ACBD7: variants seen among roughly 807,000 people sequenced by gnomAD.
The protein encoded by ACBD7 is acyl-CoA binding domain containing 7.
In ACBD7, 11 loss-of-function variants were observed where a neutral mutation model predicts 13.7. The observed-to-expected ratio is 0.80, with a 90% CI of 0.50 to 1.33. The LOEUF (loss-of-function observed/expected upper bound fraction) is 1.33, where lower values mean the gene tolerates loss of function less well. Among genes scored for constraint, ACBD7 ranks in the 40% most tolerant of loss-of-function variants. The probability of loss-of-function intolerance (pLI) is 0.00; values close to 1 mark genes in which losing one functional copy is unlikely to be tolerated. For synonymous variants in ACBD7, 43 were observed against 37.7 expected, an observed-to-expected ratio of 1.14 and a Z score of -0.51; for missense variants, 111 against 103.0, an observed-to-expected ratio of 1.08 and a Z score of -0.33.
At chr10:15,084,090 C>T (rs983503257) in intron 1 of ACBD7, among the ~76,000 whole-genome samples, 3 of 152,178 alleles carry the variant, frequency 2.0e-5, no homozygotes, top group Admixed American at 2.0e-4. Context: ...GAGATGGGAT[C>T]GGGTCTGCGA....
intron 1 of ACBD7, among the ~76,000 whole-genome samples, chr10:15,083,719 G>A (rs1429734830): frequency 6.6e-6 from 1 of 152,178 alleles, no homozygotes; most frequent in Non-Finnish European, 1.5e-5. Flanking sequence ...CTGAACTCAA[G>A]TGACCTGCCT....
chr10:15,082,454 C>T (rs59179978), intron 1 of ACBD7, among the ~76,000 whole-genome samples: 1,779 of 152,112 alleles, frequency 0.012, 34 homozygotes, highest in African/African-American at 0.041. Context: ...ACAGTAATTG[C>T]CTCTGATTAC....
chr10:15,086,703 A>G (rs954079481), intron 1 of ACBD7, among the ~76,000 whole-genome samples: 3 of 151,926 alleles, frequency 2.0e-5, no homozygotes, highest in Non-Finnish European at 4.4e-5. Flanking sequence ...CAGCAAAACC[A>G]AATGTCTACA....
At chr10:15,083,410 C>T (rs565241091) in intron 1 of ACBD7, among the ~76,000 whole-genome samples, 1 of 152,258 alleles carries the variant, frequency 6.6e-6, no homozygotes, top group Non-Finnish European at 1.5e-5. Flanking sequence ...ACAAACAAAG[C>T]TCCTCTAAGA....
At chr10:15,083,941 G>A (rs942259414) in intron 1 of ACBD7, among the ~76,000 whole-genome samples, 3 of 152,236 alleles carry the variant, frequency 2.0e-5, no homozygotes, top group African/African-American at 7.2e-5. Flanking sequence ...GCTTGAAGGC[G>A]CTCATAGCCT....
chr10:15,080,457 G>A (rs1325101098), intron 1 of ACBD7, among the ~76,000 whole-genome samples: 1 of 152,140 alleles, frequency 6.6e-6, no homozygotes, highest in African/African-American at 2.4e-5. Flanking sequence ...GTGCGTGCCT[G>A]TAATCCCAGC....
intron 1 of ACBD7, among the ~76,000 whole-genome samples, chr10:15,083,772 G>C (rs749355282): frequency 2.6e-5 from 4 of 152,274 alleles, no homozygotes; most frequent in Non-Finnish European, 5.9e-5. Flanking sequence ...CGTGAGCCAC[G>C]ATGCCCGGCC....
chr10:15,080,358 T>C lies in ACBD7; in HGVS notation c.13-1318A>G, dbSNP rs1844735873. On this transcript the variant is annotated intron_variant, in intron 1 of 3. Transcript: ENST00000356189. ...ACTTTGGGATGCTGAGGCAGGGGGA[T>C]CGCTTGAGGTCAGGAGTTCGAGACC... 1.3e-5 allele frequency among the ~76,000 whole-genome samples: 2 copies of C among 151,928 alleles called. 1 individual carries two copies. Among genetic ancestry groups the C allele is most frequent in the South Asian group, 4.2e-4 (2 of 4,806 alleles).
rs1175475175 is a variant in ACBD7, at chr10:15,084,495, CAATG to C, written c.12+4218_12+4221del. Among the ~76,000 whole-genome samples the C allele has an allele frequency of 2.6e-5, 4 of 152,134 alleles. No individual in the cohort carries two copies. The South Asian group carries it at 6.2e-4, about 24-fold the overall frequency. ...AAAATGCACAAACAAAGCAAGGAAA[CAATG>C]AAGCAACAAAAGCCGAGATTTACTG... is the stretch of plus-strand genomic sequence containing the variant. On this transcript the variant is annotated intron_variant, in intron 1 of 3. Transcript: ENST00000356189.
rs1454867673 is a variant in ACBD7, at chr10:15,088,733, G to A, written c.-5C>T. The A allele has an allele frequency of 6.3e-7, 1 of 1,597,890 alleles. No homozygotes were observed. The highest frequency in any genetic ancestry group is 8.5e-7 in the Non-Finnish European group (1 of 1,175,318). ...CCCGGGTACCTGCAGGGCCATGGTG[G>A]CGGCTGCCGCGTTGTTGCTGCTGCT... On this transcript the variant is annotated 5_prime_UTR_variant, in exon 1 of 4. Transcript: ENST00000356189.
In ACBD7 at chr10:15,078,471, G is replaced by C; in HGVS notation, c.*59C>G. The C allele has an allele frequency of 5.0e-6, 8 of 1,610,976 alleles. No homozygotes were observed. The highest frequency in any genetic ancestry group is 6.8e-6 in the Non-Finnish European group (8 of 1,179,040). ...TAACAGTATGCCTCTCCCTCTAAAT[G>C]TTAGGTCATGATAGCATTTGGAAGT... is the stretch of plus-strand genomic sequence containing the variant. On this transcript the variant is annotated 3_prime_UTR_variant, in exon 4 of 4. Transcript: ENST00000356189.
chr10:15,085,367 A>G (rs72774381), intron 1 of ACBD7, among the ~76,000 whole-genome samples: 7,362 of 152,256 alleles, frequency 0.048, 278 homozygotes, highest in East Asian at 0.062. Flanking sequence ...TACCTTTCAC[A>G]TTTCAGCCCC....
chr10:15,080,451 G>C (rs11259466), intron 1 of ACBD7, among the ~76,000 whole-genome samples: 7 of 151,876 alleles, frequency 4.6e-5, no homozygotes, highest in Non-Finnish European at 8.8e-5. Flanking sequence ...TTGGTGGTGC[G>C]TGCCTGTAAT....
intron 1 of ACBD7, among the ~76,000 whole-genome samples, chr10:15,084,174 G>A (rs1011182089): frequency 2.0e-5 from 3 of 152,196 alleles, no homozygotes; most frequent in African/African-American, 7.2e-5. Context: ...CAACATAAAG[G>A]CTATGTGGGG....
intron 1 of ACBD7, among the ~76,000 whole-genome samples, chr10:15,079,271 T>C (rs942002874): frequency 1.3e-5 from 2 of 148,164 alleles, no homozygotes; most frequent in Admixed American, 6.8e-5. Context: ...TTAACTTCTT[T>C]TTTTTTTTTT....
chr10:15,084,450 T>C (rs1589261531), intron 1 of ACBD7, among the ~76,000 whole-genome samples: 1 of 152,172 alleles, frequency 6.6e-6, no homozygotes, highest in African/African-American at 2.4e-5. Flanking sequence ...GTTCTTGGCA[T>C]TTTGAACAAA....
chr10:15,086,679 C>T (rs777345296), intron 1 of ACBD7, among the ~76,000 whole-genome samples: 15 of 152,168 alleles, frequency 9.9e-5, no homozygotes, highest in Middle Eastern at 3.4e-3. Flanking sequence ...AGTTGGAGAT[C>T]AGCCTGGGCA....
In ACBD7 at chr10:15,075,690, C is replaced by T. The variant is rs1195392894; in HGVS notation, c.*2840G>A. Reference sequence around the variant, plus strand: ...CTATAAATGTTCCCTTTCAAGAATCCTGGCTGGACGCGGTGGCTCATGCCT... The same window carrying T: ...CTATAAATGTTCCCTTTCAAGAATCTTGGCTGGACGCGGTGGCTCATGCCT... On this transcript the variant is annotated 3_prime_UTR_variant, in exon 4 of 4. Coordinates refer to ENST00000356189, the MANE Select transcript of ACBD7 (RefSeq NM_001039844.3). Among the ~76,000 whole-genome samples, 2 of 152,058 alleles carry T rather than the reference C, an allele frequency of 1.3e-5. No homozygotes were observed. Among genetic ancestry groups the T allele is most frequent in the Non-Finnish European group, 2.9e-5 (2 of 68,004 alleles).
Position 15,077,042 on chromosome 10 carries a change from C to T in ACBD7, c.*1488G>A. On this transcript the variant is annotated 3_prime_UTR_variant, in exon 4 of 4. Coordinates refer to ENST00000356189, the MANE Select transcript of ACBD7 (RefSeq NM_001039844.3). ...AACAGCACGGAAATTTCTCATGGAA[C>T]TAAAAATAGAACTACCATTCTACCC... is the stretch of plus-strand genomic sequence containing the variant. The T allele has an allele frequency of 3.4e-6, 2 of 583,680 alleles. No homozygotes were observed. Among genetic ancestry groups the T allele is most frequent in the Non-Finnish European group, 4.3e-6 (2 of 463,064 alleles). 36.2% of individuals were successfully genotyped at this position (583,680 alleles called of 1,614,324 possible).
Sources: allele counts gnomAD v4.1 joint callset (sites outside exome capture counted in the v4.1 genomes callset), GRCh38; gene constraint gnomAD v4.1.1; transcripts MANE v1.5; gene names NCBI Gene and HGNC (gene_info 2026-07-23, HGNC 2026-07-21).